Variants in CFAP299 observed in about 807,000 individuals in gnomAD.
The protein encoded by CFAP299 is cilia- and flagella-associated protein 299.
Under a neutral mutation model 27.0 loss-of-function variants are expected in CFAP299, and 21 were observed. That is an observed-to-expected ratio of 0.78 (90% CI 0.55 to 1.12). The LOEUF (loss-of-function observed/expected upper bound fraction) is 1.12. Among genes scored for constraint, CFAP299 ranks in the 50% most tolerant of loss-of-function variants. The probability of loss-of-function intolerance (pLI) is 0.00; values close to 1 mark genes in which losing one functional copy is unlikely to be tolerated. For synonymous variants in CFAP299, 104 were observed against 98.1 expected (o/e 1.06, Z -0.36); for missense variants, 310 against 276.6 (o/e 1.12, Z -0.86).
chr4:80,869,190 T>C (rs1321023693), intron 3 of CFAP299, among the ~76,000 whole-genome samples: 1 of 152,226 alleles, frequency 6.6e-6, no homozygotes, highest in East Asian at 1.9e-4. Context: ...ATGGAGAAAT[T>C]GATACTAATT....
chr4:80,853,019 T>TTTTATTTA (rs149748143), intron 3 of CFAP299, among the ~76,000 whole-genome samples: 11 of 151,442 alleles, frequency 7.3e-5, no homozygotes, highest in South Asian at 6.3e-4. Context: ...TTTATTTTCT[T>TTTTATTTA]TTTATTTATT....
chr4:80,457,323 G>A (rs1252196026), intron 2 of CFAP299, among the ~76,000 whole-genome samples: 1 of 152,138 alleles, frequency 6.6e-6, no homozygotes, highest in African/African-American at 2.4e-5. Context: ...AGCCATGTTG[G>A]AAAGTTATTT....
At chr4:80,853,244 T>G (rs1731629898) in intron 3 of CFAP299, among the ~76,000 whole-genome samples, 1 of 152,178 alleles carries the variant, frequency 6.6e-6, no homozygotes, top group Non-Finnish European at 1.5e-5. Context: ...TTGATCAGGC[T>G]GGTCTCGAAC....
At chr4:80,681,302 T>C (rs1359154442) in intron 3 of CFAP299, among the ~76,000 whole-genome samples, 1 of 152,102 alleles carries the variant, frequency 6.6e-6, no homozygotes, top group East Asian at 1.9e-4. Context: ...TCTGTTAATG[T>C]TCCATCCATT....
chr4:80,929,918 T>C (rs1736524887), intron 4 of CFAP299, among the ~76,000 whole-genome samples: 1 of 152,170 alleles, frequency 6.6e-6, no homozygotes, highest in Non-Finnish European at 1.5e-5. Context: ...TTCTTTCCCA[T>C]CTCCTGGCAT....
intron 4 of CFAP299, among the ~76,000 whole-genome samples, chr4:80,891,631 G>T (rs1390694819): frequency 1.3e-5 from 1 of 78,890 alleles, no homozygotes; most frequent in Non-Finnish European, 2.4e-5. Context: ...CGGGGGAGGG[G>T]GGAGGGATAG....
intron 2 of CFAP299, among the ~76,000 whole-genome samples, chr4:80,481,479 T>G (rs1354259517): frequency 6.6e-6 from 1 of 152,122 alleles, no homozygotes; most frequent in African/African-American, 2.4e-5. Flanking sequence ...AAGAGTAAAT[T>G]CATCTATTTT....
intron 2 of CFAP299, among the ~76,000 whole-genome samples, chr4:80,573,554 G>C (rs1240602799): frequency 6.6e-6 from 1 of 152,064 alleles, no homozygotes; most frequent in Non-Finnish European, 1.5e-5. Flanking sequence ...ATGTCCCAGA[G>C]ATTTTCTCCA....
intron 2 of CFAP299, among the ~76,000 whole-genome samples, chr4:80,451,072 C>A (rs1256871673): frequency 1.3e-5 from 2 of 152,136 alleles, no homozygotes; most frequent in East Asian, 3.9e-4. Context: ...CCAACAAAAT[C>A]TCACAGAGTG....
chr4:80,471,982 A>T (rs1264195192), intron 2 of CFAP299, among the ~76,000 whole-genome samples: 1 of 152,214 alleles, frequency 6.6e-6, no homozygotes. Context: ...CACTGTTAGA[A>T]TGTTGACTTA....
In CFAP299 at chr4:80,516,017, CTTTTTTTT is replaced by C. The variant is rs34249511; in HGVS notation, c.243-67063_243-67056del. Among the ~76,000 whole-genome samples the C allele has an allele frequency of 9.2e-5, 11 of 119,530 alleles. No homozygotes were observed. In the East Asian group the frequency reaches 2.0e-3, roughly 22 times the overall value. The allele number at this position is 119,530 out of a possible 152,430, so 78.4% of individuals were successfully genotyped here. A position where few individuals can be genotyped will look rare whatever the true frequency, so the allele number is the denominator to read the frequency against. On this transcript the variant is annotated intron_variant, in intron 2 of 5. Transcript: ENST00000358105. ...GATGTGTTAGTCTGTTTCTGCATTTCTTTTTTTTTTTTTTTTTTTTGAGACGGAGTCTT... is the reference window on the plus strand; with the variant it reads ...GATGTGTTAGTCTGTTTCTGCATTTCTTTTTTTTTTTTGAGACGGAGTCTT...
At chr4:80,881,305 G>C (rs1733693564) in intron 4 of CFAP299, among the ~76,000 whole-genome samples, 1 of 152,202 alleles carries the variant, frequency 6.6e-6, no homozygotes. Context: ...ACAGAAAGAA[G>C]TGAAGGGGCC....
chr4:80,799,774 G>GAT (rs1448746429), intron 3 of CFAP299, among the ~76,000 whole-genome samples: 1,014 of 29,124 alleles, frequency 0.035, 56 homozygotes, highest in Admixed American at 0.067. Flanking sequence ...TATATTATAT[G>GAT]ATATATATAT....
intron 3 of CFAP299, among the ~76,000 whole-genome samples, chr4:80,711,021 C>A (rs911555304): frequency 2.0e-5 from 3 of 152,168 alleles, no homozygotes; most frequent in Non-Finnish European, 4.4e-5. Context: ...GTAGCCATAA[C>A]ATGGGAAGGC....
intron 2 of CFAP299, among the ~76,000 whole-genome samples, chr4:80,425,458 G>T (rs1051129835): frequency 6.6e-6 from 1 of 152,118 alleles, no homozygotes; most frequent in Non-Finnish European, 1.5e-5. Flanking sequence ...AAGTAGCTTT[G>T]GGGATACCTT....
chr4:80,462,203 C>T (rs903353361), intron 2 of CFAP299, among the ~76,000 whole-genome samples: 3 of 152,174 alleles, frequency 2.0e-5, no homozygotes, highest in Non-Finnish European at 2.9e-5. Context: ...TCTTCCTTTT[C>T]ACTGACACTT....
chr4:80,431,142 A>T (rs1005538525), intron 2 of CFAP299, among the ~76,000 whole-genome samples: 4 of 152,156 alleles, frequency 2.6e-5, no homozygotes, highest in Admixed American at 2.0e-4. Context: ...TATTGTACTT[A>T]CTTTGTGGTT....
At chr4:80,568,347 TC>T (rs1735415237) in intron 2 of CFAP299, among the ~76,000 whole-genome samples, 1 of 152,058 alleles carries the variant, frequency 6.6e-6, no homozygotes, top group African/African-American at 2.4e-5. Context: ...GTATCATGTT[TC>T]CTTTGTTATT....
At chr4:80,344,749 A>C (rs1375896887) in intron 1 of CFAP299, among the ~76,000 whole-genome samples, 1 of 152,208 alleles carries the variant, frequency 6.6e-6, no homozygotes, top group African/African-American at 2.4e-5. Context: ...TCAATAAAAT[A>C]CTGGCAAACT....
Sources: allele counts gnomAD v4.1 joint callset (sites outside exome capture counted in the v4.1 genomes callset), GRCh38; gene constraint gnomAD v4.1.1; transcripts MANE v1.5; gene names NCBI Gene and HGNC (gene_info 2026-07-23, HGNC 2026-07-21).